FOXN4: variants seen among roughly 807,000 people sequenced by gnomAD.
The protein encoded by FOXN4 is forkhead box N4.
Under a neutral mutation model 45.0 loss-of-function variants are expected in FOXN4, and 12 were observed. The observed-to-expected ratio is 0.27, with a 90% confidence interval of 0.17 to 0.43. FOXN4 has a LOEUF of 0.43. Ranked by LOEUF, FOXN4 falls within the 20% of genes least tolerant of loss-of-function variation. The pLI, the probability that FOXN4 is intolerant of heterozygous loss-of-function variation, is 1.00. For missense variants in FOXN4, 560 were observed against 694.9 expected, an observed-to-expected ratio of 0.81 and a Z score of 2.18; for synonymous variants, 297 against 295.0, an observed-to-expected ratio of 1.01 and a Z score of -0.07.
intron 2 of FOXN4, among the ~76,000 whole-genome samples, chr12:109,295,722 G>A (rs1437849690): frequency 2.6e-5 from 4 of 152,228 alleles, no homozygotes; most frequent in Admixed American, 1.3e-4. Context: ...GGAGGCGGAG[G>A]TTGCAGTGAG....
Position 109,285,423 on chromosome 12 carries a change from G to A in FOXN4, c.782C>T (p.Ser261Phe), listed in dbSNP as rs1481675280. The A allele has an allele frequency of 2.5e-6, 4 of 1,613,912 alleles. No individual in the cohort carries two copies. In the Admixed American group the frequency reaches 6.7e-5, roughly 27 times the overall value. The stretch of plus-strand genomic sequence containing the variant: ...AGCCCACAGGCAGCCCTTGCGGGAG[G>A]AGCCGCTCATCTTGTTCTCCACCTT... ...FEKVENKMSG[S>F]SRKGCLWALN... Residue 261 changes from serine (S) to phenylalanine (F), a missense_variant, in exon 8 of 10, where the codon TCC becomes TTC. Transcript: ENST00000299162.
chr12:109,288,566 C>T lies in FOXN4; in HGVS notation c.233-386G>A, dbSNP rs112874013. Among the ~76,000 whole-genome samples the T allele has an allele frequency of 6.6e-6, 1 of 152,148 alleles. No homozygotes were observed. The highest frequency in any genetic ancestry group is 6.5e-5 in the Admixed American group (1 of 15,282). On this transcript the variant is annotated intron_variant, in intron 3 of 9. Transcript: ENST00000299162. This position sits in a 1 kb window ranked among gnomAD's most constrained non-coding sequence, Gnocchi z 4.3. Reference sequence around the variant, plus strand: ...TTCATGAAGCTAAAACACCAATTCACGGTTCATTTCTTTTCCTCAAAAACA... The same window carrying T: ...TTCATGAAGCTAAAACACCAATTCATGGTTCATTTCTTTTCCTCAAAAACA...
chr12:109,297,959 G>A (rs537635714), intron 2 of FOXN4, among the ~76,000 whole-genome samples: 32 of 152,234 alleles, frequency 2.1e-4, no homozygotes, highest in African/African-American at 7.2e-4. Flanking sequence ...TCCATCAGTG[G>A]AGAAAGTTCT....
intron 3 of FOXN4, among the ~76,000 whole-genome samples, chr12:109,289,597 C>T (rs1389730330): frequency 6.6e-6 from 1 of 152,142 alleles, no homozygotes; most frequent in Non-Finnish European, 1.5e-5. Flanking sequence ...GCTATGATTG[C>T]ACCTAACTGC....
In FOXN4 at chr12:109,308,256, G is replaced by A. The variant is rs1488181174; in HGVS notation, c.66C>T (p.His22=). 5 of 1,551,838 alleles carry A rather than the reference G, an allele frequency of 3.2e-6. No homozygotes were observed. The highest frequency in any genetic ancestry group is 1.2e-5 in the South Asian group (1 of 84,008). ...GIIRNSGQNH[H]PSPQEYRLLA... is the part of the protein sequence containing the mutation. ...CTCACCTGTATTCCTGTGGAGAGGG[G>A]TGGTGATTTTGCCCTGAGTTTCGAA... is the stretch of plus-strand genomic sequence containing the variant. Residue 22 remains histidine (H), a synonymous_variant, in exon 2 of 10, where the codon CAC becomes CAT. Coordinates refer to ENST00000299162, the MANE Select transcript of FOXN4 (RefSeq NM_213596.3).
intron 2 of FOXN4, among the ~76,000 whole-genome samples, chr12:109,292,071 G>A (rs1412298953): frequency 6.6e-6 from 1 of 152,158 alleles, no homozygotes; most frequent in African/African-American, 2.4e-5. Flanking sequence ...GAGGTGCAGG[G>A]GCAGGGCCTG....
rs1216345300 is a variant in FOXN4 at position 109,281,402 on chromosome 12, C to T, written c.1294+5G>A. 6.2e-7 allele frequency: 1 copy of T among 1,613,676 alleles called. No individual in the cohort carries two copies. The highest frequency in any genetic ancestry group is 1.7e-5 in the Admixed American group (1 of 59,994). Reference sequence around the variant, plus strand: ...ATTCCCATCACTCCATTCCTCCAGCCTCACCCTGCAGAGCGAAGTCCATGA... The same window carrying T: ...ATTCCCATCACTCCATTCCTCCAGCTTCACCCTGCAGAGCGAAGTCCATGA... On this transcript the variant is annotated splice_donor_5th_base_variant and intron_variant, in intron 9 of 9. Coordinates refer to ENST00000299162, the MANE Select transcript of FOXN4 (RefSeq NM_213596.3).
At chr12:109,282,507 G>A (rs1286256799) in intron 8 of FOXN4, among the ~76,000 whole-genome samples, 4 of 152,058 alleles carry the variant, frequency 2.6e-5, no homozygotes, top group African/African-American at 9.7e-5. Context: ...TCGGGACAGT[G>A]CCTTACAGGA....
chr12:109,299,346 ATGCACACATGTG>A (rs2047847218), intron 2 of FOXN4, among the ~76,000 whole-genome samples: 1 of 151,876 alleles, frequency 6.6e-6, no homozygotes, highest in East Asian at 1.9e-4. Flanking sequence ...ACGCACACGG[ATGCACACATGTG>A]TGCACACACA....
rs1227473725 is a variant in FOXN4 at position 109,281,394 on chromosome 12, C to A, written c.1294+13G>T. On this transcript the variant is annotated intron_variant, in intron 9 of 9. Coordinates refer to ENST00000299162, the MANE Select transcript of FOXN4 (RefSeq NM_213596.3). ...CCCATTCCATTCCCATCACTCCATT[C>A]CTCCAGCCTCACCCTGCAGAGCGAA... 1 of 1,613,148 alleles carries A rather than the reference C, an allele frequency of 6.2e-7. No individual in the cohort carries two copies. The highest frequency in any genetic ancestry group is 1.3e-5 in the African/African-American group (1 of 75,050).
rs929249505 is a variant in FOXN4, at chr12:109,287,332, G to T, written c.596+65C>A. 8 of 1,542,806 alleles carry T rather than the reference G, an allele frequency of 5.2e-6. No individual in the cohort carries two copies. Among genetic ancestry groups the T allele is most frequent in the Non-Finnish European group, 7.0e-6 (8 of 1,141,342 alleles). ...ACACTAGCTGTCTGAGATGCCCTGA[G>T]GGCAGCCTCATCCCTCTCTCCCGGA... On this transcript the variant is annotated intron_variant, in intron 6 of 9. Transcript: ENST00000299162. This position sits in a 1 kb window ranked among gnomAD's most constrained non-coding sequence, Gnocchi z 4.1.
intron 2 of FOXN4, among the ~76,000 whole-genome samples, chr12:109,296,388 C>T (rs540567326): frequency 7.8e-4 from 119 of 152,354 alleles, no homozygotes; most frequent in Non-Finnish European, 1.4e-3. Context: ...TCTCTGTGTG[C>T]CTTCCTCTGT....
At chr12:109,282,845 A>G (rs2047666057) in intron 8 of FOXN4, among the ~76,000 whole-genome samples, 1 of 152,092 alleles carries the variant, frequency 6.6e-6, no homozygotes, top group South Asian at 2.1e-4. Context: ...AAATGAGAGC[A>G]CTTAGAATGT....
At chr12:109,301,165 G>T (rs892648455) in intron 2 of FOXN4, among the ~76,000 whole-genome samples, 3 of 152,310 alleles carry the variant, frequency 2.0e-5, no homozygotes, top group Middle Eastern at 3.4e-3. Context: ...AGGGAGACCT[G>T]CATTCCAGTC....
At chr12:109,289,175 C>T (rs2047743179) in intron 3 of FOXN4, among the ~76,000 whole-genome samples, 1 of 152,198 alleles carries the variant, frequency 6.6e-6, no homozygotes, top group Admixed American at 6.5e-5. Context: ...CCAGTCAGGG[C>T]AGAAAGCACT....
rs1379739358 is a variant in FOXN4 at position 109,278,543 on chromosome 12, TATC to T, written c.*1125_*1127del. 2.6e-5 allele frequency: 4 copies of T among 152,294 alleles called. No homozygotes were observed. Among genetic ancestry groups the T allele is most frequent in the Non-Finnish European group, 5.9e-5 (4 of 68,036 alleles). 9.4% of individuals were successfully genotyped at this position (152,294 alleles called of 1,614,324 possible). ...AGGGAGGTGAGGAAGTGCCAATAAA[TATC>T]ATGCGTTGAAGTTTTGTCCACCACT... is the stretch of plus-strand genomic sequence containing the variant. On this transcript the variant is annotated 3_prime_UTR_variant, in exon 10 of 10. Coordinates refer to ENST00000299162, the MANE Select transcript of FOXN4 (RefSeq NM_213596.3).
chr12:109,281,872 A>G, intron 8 of FOXN4, 73 bp from the exon 9 acceptor site: 1 of 1,474,066 alleles, frequency 6.8e-7, no homozygotes, highest in Non-Finnish European at 8.9e-7. Flanking sequence ...CCTGGGTTCA[A>G]ATTCCAGTGT....
chr12:109,282,262 C>T (rs1004497448), intron 8 of FOXN4, among the ~76,000 whole-genome samples: 66 of 152,220 alleles, frequency 4.3e-4, no homozygotes, highest in African/African-American at 1.6e-3. Context: ...GCCTGAACAA[C>T]ATAGTGAGCT....
At position 109,291,780 on chromosome 12, in the gene FOXN4, GCGGC is replaced by G. The variant is rs1035767879; in HGVS notation, c.87-1498_87-1495del. Among the ~76,000 whole-genome samples the G allele has an allele frequency of 1.3e-5, 2 of 152,054 alleles. No individual in the cohort carries two copies. Among genetic ancestry groups the G allele is most frequent in the African/African-American group, 4.8e-5 (2 of 41,394 alleles). ...CAGGGCCTGGAAACGATTTGAAAAC[GCGGC>G]CGGCCGGCCGTGTCAGTGGCAGCAG... On this transcript the variant is annotated intron_variant, in intron 2 of 9. Coordinates refer to ENST00000299162, the MANE Select transcript of FOXN4 (RefSeq NM_213596.3). The surrounding 1 kb of genome is among the most constrained non-coding windows in gnomAD (Gnocchi z 6.6).
Sources: gnomAD v4.1 joint callset for allele counts (sites outside exome capture counted in the v4.1 genomes callset) on GRCh38, gnomAD v4.1.1 for gene constraint, Gnocchi (gnomAD v3.1) non-coding constraint, MANE v1.5 for transcripts, NCBI Gene and HGNC (gene_info 2026-07-23, HGNC 2026-07-21) for gene names.